ACTN2: variants seen among roughly 807,000 people sequenced by gnomAD.
The protein encoded by ACTN2 is alpha-actinin-2.
In ACTN2, 39 loss-of-function variants were observed where a neutral mutation model predicts 113.8. The observed-to-expected ratio is 0.34, with a 90% CI of 0.27 to 0.45. The LOEUF (loss-of-function observed/expected upper bound fraction) is 0.45, where lower values mean the gene tolerates loss of function less well. Among genes scored for constraint, ACTN2 ranks in the 20% least tolerant of loss-of-function variants. The pLI, the probability that ACTN2 is intolerant of heterozygous loss-of-function variation, is 1.00. For missense variants in ACTN2, 992 were observed against 1,177.9 expected (o/e 0.84, Z 2.31); for synonymous variants, 429 against 444.1 (o/e 0.97, Z 0.43).
At chr1:236,739,603 G>C in intron 10 of ACTN2, 71 bp downstream of exon 10, 1 of 1,542,628 alleles carries the variant, frequency 6.5e-7, no homozygotes, top group Non-Finnish European at 8.9e-7. Flanking sequence ...CGTTTGACCT[G>C]GGTCAGGAGG....
At chr1:236,728,368 C>T (rs929463675) in intron 6 of ACTN2, among the ~76,000 whole-genome samples, 16 of 152,168 alleles carry the variant, frequency 1.1e-4, no homozygotes, top group African/African-American at 3.6e-4. Context: ...TGGTCTCGAT[C>T]TCCTGAGCTC....
rs769451897 is a variant in ACTN2, at chr1:236,761,129, G to A, written c.2482G>A (p.Ala828Thr). The A allele has an allele frequency of 2.5e-6, 4 of 1,614,042 alleles. No individual in the cohort carries two copies. The South Asian group carries it at 3.3e-5, about 13-fold the overall frequency. The change falls in exon 20 of 21, where the codon GCC (alanine) becomes ACC (threonine). Residue 828 changes from alanine (A) to threonine (T), a missense_variant. Ala to Thr is a moderately conservative substitution (Grantham distance 58). Coordinates refer to ENST00000366578, the MANE Select transcript of ACTN2 (RefSeq NM_001103.4). Reference sequence around the variant, plus strand: ...TAGAGAGACGGCTGACACCGACACTGCCGAGCAGGTCATCGCCTCCTTCCG... The same window carrying A: ...TAGAGAGACGGCTGACACCGACACTACCGAGCAGGTCATCGCCTCCTTCCG... ...MTRETADTDT[A>T]EQVIASFRIL...
chr1:236,704,525 A>G (rs949594777), intron 1 of ACTN2, among the ~76,000 whole-genome samples: 8 of 152,170 alleles, frequency 5.3e-5, no homozygotes, highest in Admixed American at 2.6e-4. Context: ...CTAATGACCA[A>G]CCAACTTAAA....
chr1:236,725,541 C>T (rs1658521922), intron 4 of ACTN2, among the ~76,000 whole-genome samples: 1 of 152,066 alleles, frequency 6.6e-6, no homozygotes, highest in African/African-American at 2.4e-5. Flanking sequence ...GCAGGAGAAT[C>T]TTTTGAACCC....
rs1558227512 is a variant in ACTN2, at chr1:236,709,267, CACACATATATATGT to C, written c.127-8589_127-8576del. 8.7e-4 allele frequency among the ~76,000 whole-genome samples: 111 copies of C among 127,772 alleles called. 2 individuals carry two copies. Among genetic ancestry groups the C allele is most frequent in the African/African-American group, 3.5e-3 (109 of 31,098 alleles). The allele number at this position is 127,772 out of a possible 152,430, so 83.8% of individuals were successfully genotyped here. On this transcript the variant is annotated intron_variant, in intron 1 of 20. Transcript: ENST00000366578. ...ATATATATATATATACACACACACA[CACACATATATATGT>C]ATATATATGTATATATGTATATATA...
At position 236,738,002 on chromosome 1, in the gene ACTN2, C is replaced by T. The variant is rs181788743; in HGVS notation, c.876+788C>T. 2.6e-3 allele frequency among the ~76,000 whole-genome samples: 395 copies of T among 152,060 alleles called. 3 individuals carry two copies. Among genetic ancestry groups the T allele is most frequent in the African/African-American group, 8.8e-3 (363 of 41,464 alleles). On this transcript the variant is annotated intron_variant, in intron 9 of 20. Coordinates refer to ENST00000366578, the MANE Select transcript of ACTN2 (RefSeq NM_001103.4). ...AATTTTTGCCAAGCCTTATTTTTTGCTTTGTTTTGTTTTGTTTTGTTTTCT... is the reference window on the plus strand; with the variant it reads ...AATTTTTGCCAAGCCTTATTTTTTGTTTTGTTTTGTTTTGTTTTGTTTTCT...
Position 236,739,484 on chromosome 1 carries a change from G to A in ACTN2, c.1059G>A (p.Arg353=), listed in dbSNP as rs1441845374. Residue 353 remains arginine (R), a synonymous_variant, in exon 10 of 21, where the codon CGG becomes CGA. Transcript: ENST00000366578. ...TCAACACGCTGCAGACCAAGCTGCG[G>A]ATCAGCAACCGTCCTGCCTTCATGC... ...INFNTLQTKL[R]ISNRPAFMPS... 3 of 1,614,064 alleles carry A rather than the reference G, an allele frequency of 1.9e-6. No homozygotes were observed. The highest frequency in any genetic ancestry group is 2.5e-6 in the Non-Finnish European group (3 of 1,180,042).
chr1:236,713,005 T>C (rs562469073), intron 1 of ACTN2, among the ~76,000 whole-genome samples: 1 of 152,012 alleles, frequency 6.6e-6, no homozygotes, highest in South Asian at 2.1e-4. Flanking sequence ...TTGTCAGTTT[T>C]AAAAATTCCT....
At chr1:236,716,510 G>A (rs1174850782) in intron 1 of ACTN2, among the ~76,000 whole-genome samples, 1 of 152,092 alleles carries the variant, frequency 6.6e-6, no homozygotes, top group Non-Finnish European at 1.5e-5. Flanking sequence ...TTAATATATG[G>A]TCCATTTTCA....
intron 1 of ACTN2, among the ~76,000 whole-genome samples, chr1:236,691,136 A>G (rs562762814): frequency 9.0e-4 from 136 of 151,310 alleles, no homozygotes; most frequent in Non-Finnish European, 1.5e-3. Flanking sequence ...TAGAGACGGG[A>G]TTTCACTGTG....
At chr1:236,724,372 G>A (rs565851797) in intron 4 of ACTN2, among the ~76,000 whole-genome samples, 1 of 152,290 alleles carries the variant, frequency 6.6e-6, no homozygotes, top group Non-Finnish European at 1.5e-5. Context: ...GGTGATGGGC[G>A]GGAAGACACC....
chr1:236,758,338 T>G (rs1046017260), intron 18 of ACTN2, among the ~76,000 whole-genome samples: 1 of 149,666 alleles, frequency 6.7e-6, no homozygotes, highest in Non-Finnish European at 1.5e-5. Flanking sequence ...CAGGCTGGAG[T>G]GCAGTGGCAT....
intron 1 of ACTN2, among the ~76,000 whole-genome samples, chr1:236,713,378 T>C (rs555675147): frequency 4.9e-4 from 74 of 152,190 alleles, no homozygotes; most frequent in African/African-American, 1.6e-3. Context: ...CAGGTGTGCA[T>C]CACCATGTAC....
At chr1:236,724,451 G>A (rs1658488866) in intron 4 of ACTN2, among the ~76,000 whole-genome samples, 1 of 152,206 alleles carries the variant, frequency 6.6e-6, no homozygotes, top group African/African-American at 2.4e-5. Flanking sequence ...TGAAGGGGAG[G>A]GAGCAGGAGA....
chr1:236,746,161 A>C (rs1456186342), intron 12 of ACTN2, among the ~76,000 whole-genome samples: 1 of 81,146 alleles, frequency 1.2e-5, no homozygotes, highest in Non-Finnish European at 2.5e-5. Context: ...GCAAGACTCC[A>C]TCTCAAAAAA....
chr1:236,713,570 C>G (rs555225562), intron 1 of ACTN2, among the ~76,000 whole-genome samples: 46 of 143,190 alleles, frequency 3.2e-4, no homozygotes, highest in Middle Eastern at 3.6e-3. Flanking sequence ...TTAAAGGGAC[C>G]AAAGGGAAAA....
At chr1:236,744,525 C>T in intron 11 of ACTN2, 101 bp from the exon 12 acceptor site, 1 of 1,426,354 alleles carries the variant, frequency 7.0e-7, no homozygotes, top group East Asian at 2.4e-5. Flanking sequence ...GTCCCCTTCT[C>T]TTGGTTCTTT....
Position 236,686,761 on chromosome 1 carries a change from C to A in ACTN2, c.88C>A (p.Leu30Met). ...MIQEEEWDRD[L>M]LLDPAWEKQQ... Reference sequence around the variant, plus strand: ...CCAGGAGGAGGAGTGGGACCGCGACCTGCTCCTGGACCCAGCCTGGGAGAA... The same window carrying A: ...CCAGGAGGAGGAGTGGGACCGCGACATGCTCCTGGACCCAGCCTGGGAGAA... Residue 30 changes from leucine to methionine, a missense_variant, in exon 1 of 21, where the codon CTG (leucine) becomes ATG (methionine). This residue lies in a region of ACTN2 where 220 missense variants were observed against 337.5 expected (regional missense o/e 0.65). Transcript: ENST00000366578. 2 of 1,548,940 alleles carry A rather than the reference C, an allele frequency of 1.3e-6. No homozygotes were observed.
rs78405310 is a variant in ACTN2, at chr1:236,699,395, A to G, written c.126+12596A>G. Reference sequence around the variant, plus strand: ...CCCCCAGTCAAGCTTTAGGAGTTGCATTGTCCAACAGAAATACCAAAGTGG... The same window carrying G: ...CCCCCAGTCAAGCTTTAGGAGTTGCGTTGTCCAACAGAAATACCAAAGTGG... On this transcript the variant is annotated intron_variant, in intron 1 of 20. Coordinates refer to ENST00000366578, the MANE Select transcript of ACTN2 (RefSeq NM_001103.4). Among the ~76,000 whole-genome samples the G allele has an allele frequency of 2.7e-3, 411 of 152,278 alleles. 9 individuals carry two copies. The East Asian group carries it at 0.048, about 18-fold the overall frequency.
Sources: gnomAD v4.1 joint callset for allele counts (sites outside exome capture counted in the v4.1 genomes callset) on GRCh38, gnomAD v4.1.1 for gene constraint, gnomAD v4.1.1 regional missense constraint, MANE v1.5 for transcripts, NCBI Gene and HGNC (gene_info 2026-07-23, HGNC 2026-07-21) for gene names.